Variants in EYS observed in about 807,000 individuals in gnomAD.
EYS encodes EGF-like photoreceptor maintenance factor, also known as protein eyes shut homolog.
In EYS, 250 loss-of-function variants were observed where a neutral mutation model predicts 282.1. The observed-to-expected ratio is 0.89, with a 90% CI of 0.80 to 0.98. EYS has a LOEUF of 0.98. Ranked by LOEUF, EYS falls within the 50% of genes least tolerant of loss-of-function variation. The pLI is 0.00. For synonymous variants in EYS, 1,355 were observed against 1,282.9 expected (o/e 1.06, Z -1.20); for missense variants, 4,016 against 3,709.0 (o/e 1.08, Z -2.15).
At chr6:64,093,834 G>A (rs1030405720) in intron 31 of EYS, among the ~76,000 whole-genome samples, 2 of 152,150 alleles carry the variant, frequency 1.3e-5, no homozygotes, top group Non-Finnish European at 2.9e-5. Context: ...TCTTGTGCCG[G>A]TTTTCAAAGG....
chr6:64,130,676 AGAGGG>A (rs919911909), intron 31 of EYS, among the ~76,000 whole-genome samples: 1 of 152,158 alleles, frequency 6.6e-6, no homozygotes, highest in Non-Finnish European at 1.5e-5. Flanking sequence ...TTCCGAACAA[AGAGGG>A]GAGAAGGAGC....
intron 9 of EYS, 111 bp from the exon 10 acceptor site, chr6:65,344,288 T>C (rs972409125): frequency 1.1e-6 from 1 of 911,448 alleles, no homozygotes; most frequent in Non-Finnish European, 1.7e-6. Context: ...TGACAACATC[T>C]GCCACAAAAT....
chr6:65,574,161 A>C (rs1764576459), intron 2 of EYS, among the ~76,000 whole-genome samples: 1 of 152,166 alleles, frequency 6.6e-6, no homozygotes, highest in Non-Finnish European at 1.5e-5. Context: ...TGACTGTTCC[A>C]TGTGTGCCAC....
At chr6:65,141,745 C>A (rs1306390353) in intron 12 of EYS, among the ~76,000 whole-genome samples, 1 of 146,758 alleles carries the variant, frequency 6.8e-6, no homozygotes, top group Non-Finnish European at 1.5e-5. Context: ...TAATTGACAG[C>A]ATATTTCTCA....
chr6:63,820,760 T>C (rs973251356), intron 36 of EYS, among the ~76,000 whole-genome samples: 8 of 152,158 alleles, frequency 5.3e-5, no homozygotes. Context: ...TATGCTGGGG[T>C]CTTTTGCTTA....
chr6:64,619,597 G>C (rs796693623), intron 23 of EYS, among the ~76,000 whole-genome samples: 21 of 152,246 alleles, frequency 1.4e-4, no homozygotes, highest in African/African-American at 4.8e-4. Flanking sequence ...AAGAGACTGG[G>C]AAATAGGGGC....
At chr6:65,566,767 G>A (rs1235067842) in intron 2 of EYS, among the ~76,000 whole-genome samples, 1 of 152,048 alleles carries the variant, frequency 6.6e-6, no homozygotes, top group African/African-American at 2.4e-5. Flanking sequence ...TATACACAAT[G>A]AATTCAGAGT....
chr6:63,946,666 A>C (rs1765405921), intron 35 of EYS, among the ~76,000 whole-genome samples: 1 of 152,114 alleles, frequency 6.6e-6, no homozygotes, highest in African/African-American at 2.4e-5. Context: ...ACAGAGTAAA[A>C]TATATTAAAT....
At chr6:64,034,839 A>G (rs1770033714) in intron 33 of EYS, among the ~76,000 whole-genome samples, 2 of 152,168 alleles carry the variant, frequency 1.3e-5, no homozygotes. Context: ...TCTTACAACT[A>G]AAGGAAAAAA....
chr6:64,065,540 C>CA (rs1771335103), intron 33 of EYS, among the ~76,000 whole-genome samples: 1 of 152,074 alleles, frequency 6.6e-6, no homozygotes, highest in African/African-American at 2.4e-5. Context: ...GACTGATTTC[C>CA]AAAAATTTAT....
At chr6:63,990,558 A>G (rs1327915805) in intron 34 of EYS, among the ~76,000 whole-genome samples, 1 of 151,716 alleles carries the variant, frequency 6.6e-6, no homozygotes, top group East Asian at 1.9e-4. Flanking sequence ...AAAGGGTACC[A>G]CATTGGGGAT....
intron 8 of EYS, among the ~76,000 whole-genome samples, chr6:65,363,097 T>G (rs531061290): frequency 6.6e-6 from 1 of 152,166 alleles, no homozygotes; most frequent in African/African-American, 2.4e-5. Flanking sequence ...TACATAGACT[T>G]GCATGCCAAA....
intron 34 of EYS, among the ~76,000 whole-genome samples, chr6:63,996,541 A>G (rs1339263210): frequency 1.3e-5 from 2 of 152,122 alleles, no homozygotes; most frequent in Non-Finnish European, 2.9e-5. Flanking sequence ...AAGTAAAAAA[A>G]CAAAACAAAA....
chr6:65,009,393 C>T (rs1771792596), intron 13 of EYS, among the ~76,000 whole-genome samples: 1 of 152,108 alleles, frequency 6.6e-6, no homozygotes, highest in South Asian at 2.1e-4. Context: ...GCCATTGTCC[C>T]TCTATACCCA....
At chr6:64,205,856 T>TAGAG (rs35786372) in intron 31 of EYS, among the ~76,000 whole-genome samples, 8 of 149,068 alleles carry the variant, frequency 5.4e-5, no homozygotes, top group South Asian at 2.1e-4. Context: ...TATATATATA[T>TAGAG]AGAGAGAGAG....
At chr6:65,376,734 T>G (rs1006855276) in intron 8 of EYS, among the ~76,000 whole-genome samples, 1 of 152,036 alleles carries the variant, frequency 6.6e-6, no homozygotes, top group Non-Finnish European at 1.5e-5. Context: ...TAGTCTCTGA[T>G]AAAACAGACG....
intron 33 of EYS, among the ~76,000 whole-genome samples, chr6:64,045,799 ATATG>A (rs933327142): frequency 1.3e-5 from 2 of 150,874 alleles, no homozygotes; most frequent in African/African-American, 4.8e-5. Flanking sequence ...AATATTATAT[ATATG>A]TATGTATGTG....
intron 30 of EYS, among the ~76,000 whole-genome samples, chr6:64,292,713 T>A (rs538562294): frequency 1.8e-4 from 28 of 152,146 alleles, no homozygotes; most frequent in African/African-American, 6.3e-4. Flanking sequence ...TTTGGAAAAA[T>A]TCAGGAAAAG....
chr6:65,567,539 C>T (rs1764320320), intron 2 of EYS, among the ~76,000 whole-genome samples: 1 of 151,872 alleles, frequency 6.6e-6, no homozygotes, highest in Non-Finnish European at 1.5e-5. Context: ...CGCTGAATGT[C>T]TTCTAATATT....
Sources: gnomAD v4.1 joint callset for allele counts (sites outside exome capture counted in the v4.1 genomes callset) on GRCh38, gnomAD v4.1.1 for gene constraint, MANE v1.5 for transcripts, NCBI Gene and HGNC (gene_info 2026-07-23, HGNC 2026-07-21) for gene names.